Variants in ACVR1 observed in about 807,000 individuals in gnomAD.
ACVR1 encodes activin A receptor type 1.
ACVR1 carries 38 observed loss-of-function variants against 57.1 expected under a neutral mutation model. That is an observed-to-expected ratio of 0.67 (90% CI 0.51 to 0.87). The LOEUF (loss-of-function observed/expected upper bound fraction) is 0.87, where lower values mean the gene tolerates loss of function less well. Among genes scored for constraint, ACVR1 ranks in the 40% least tolerant of loss-of-function variants. ACVR1 has a pLI of 0.00. For synonymous variants in ACVR1, 212 were observed against 228.1 expected (o/e 0.93, Z 0.63); for missense variants, 463 against 638.2 (o/e 0.73, Z 2.96).
intron 1 of ACVR1, among the ~76,000 whole-genome samples, chr2:157,872,516 A>T (rs1381731815): frequency 1.3e-5 from 2 of 152,202 alleles, no homozygotes; most frequent in Admixed American, 1.3e-4. Context: ...TGCAGCCCAC[A>T]CTATTTAGTT....
intron 1 of ACVR1, among the ~76,000 whole-genome samples, chr2:157,834,328 G>A (rs1574127444): frequency 6.6e-6 from 1 of 151,964 alleles, no homozygotes; most frequent in Non-Finnish European, 1.5e-5. Context: ...CCTGACCTCA[G>A]GTGATCTGCC....
intron 1 of ACVR1, among the ~76,000 whole-genome samples, chr2:157,858,004 C>G (rs141392534): frequency 6.6e-6 from 1 of 151,876 alleles, no homozygotes; most frequent in Admixed American, 6.6e-5. Flanking sequence ...CCCTAAGGTC[C>G]CACACTATGC....
chr2:157,747,958 A>C (rs920451622), intron 9 of ACVR1, among the ~76,000 whole-genome samples: 3 of 152,244 alleles, frequency 2.0e-5, no homozygotes, highest in African/African-American at 7.2e-5. Context: ...GGAACCAGTT[A>C]ACAGTCTTGG....
intron 1 of ACVR1, among the ~76,000 whole-genome samples, chr2:157,874,614 A>G (rs1292991433): frequency 6.6e-6 from 1 of 152,128 alleles, no homozygotes; most frequent in Non-Finnish European, 1.5e-5. Context: ...TCCAGGAAGA[A>G]TTTTTTTGGG....
At chr2:157,817,599 T>G (rs968675428) in intron 2 of ACVR1, among the ~76,000 whole-genome samples, 1 of 152,074 alleles carries the variant, frequency 6.6e-6, no homozygotes, top group African/African-American at 2.4e-5. Context: ...GTGTGGGATA[T>G]TGACAGTAGG....
chr2:157,830,852 A>C (rs544027327), intron 1 of ACVR1, among the ~76,000 whole-genome samples: 1 of 152,158 alleles, frequency 6.6e-6, no homozygotes, highest in African/African-American at 2.4e-5. Context: ...CTGCTTCCAG[A>C]TGTTGTCAGT....
chr2:157,745,920 T>A (rs557967909), intron 9 of ACVR1, among the ~76,000 whole-genome samples: 1 of 152,310 alleles, frequency 6.6e-6, no homozygotes, highest in African/African-American at 2.4e-5. Flanking sequence ...TCAAAGTAAG[T>A]GCACCAAATA....
At position 157,871,688 on chromosome 2, in the gene ACVR1, G is replaced by A. The variant is rs539767358; in HGVS notation, c.-183+4108C>T. On this transcript the variant is annotated intron_variant, in intron 1 of 10. Transcript: ENST00000434821. Reference sequence around the variant, plus strand: ...AACAAAGCTCTGATGGATCACATAAGAGCCTTTATACATATAAACAATCTC... The same window carrying A: ...AACAAAGCTCTGATGGATCACATAAAAGCCTTTATACATATAAACAATCTC... Among the ~76,000 whole-genome samples, 3 of 152,278 alleles carry A rather than the reference G, an allele frequency of 2.0e-5. No individual in the cohort carries two copies. The East Asian group carries it at 5.8e-4, about 29-fold the overall frequency.
At chr2:157,855,816 G>T (rs1169091217) in intron 1 of ACVR1, among the ~76,000 whole-genome samples, 1 of 152,076 alleles carries the variant, frequency 6.6e-6, no homozygotes, top group East Asian at 1.9e-4. Flanking sequence ...CGAGTGGTGG[G>T]AAATGACTTG....
At chr2:157,829,845 A>G (rs866317381) in intron 1 of ACVR1, among the ~76,000 whole-genome samples, 50 of 152,214 alleles carry the variant, frequency 3.3e-4, no homozygotes, top group African/African-American at 1.1e-3. Context: ...AAATTTTACT[A>G]TTTCCCTGGT....
At chr2:157,793,131 A>G (rs961329872) in intron 3 of ACVR1, among the ~76,000 whole-genome samples, 1 of 152,194 alleles carries the variant, frequency 6.6e-6, no homozygotes, top group East Asian at 1.9e-4. Context: ...TTTTCCATAA[A>G]GAGGAGATGG....
At chr2:157,839,862 C>G (rs1169014329) in intron 1 of ACVR1, among the ~76,000 whole-genome samples, 2 of 152,202 alleles carry the variant, frequency 1.3e-5, no homozygotes, top group African/African-American at 4.8e-5. Flanking sequence ...ATATGTGCTT[C>G]ATGGAATCAT....
At chr2:157,863,336 C>CCTTT (rs1689795351) in intron 1 of ACVR1, among the ~76,000 whole-genome samples, 4 of 35,674 alleles carry the variant, frequency 1.1e-4, no homozygotes, top group Non-Finnish European at 4.8e-5. Flanking sequence ...AATTGTTTCT[C>CCTTT]TTTTTTTTTT....
intron 8 of ACVR1, 44 bp from the exon 9 acceptor site, chr2:157,761,121 T>C (rs772023963): frequency 6.3e-7 from 1 of 1,599,368 alleles, no homozygotes; most frequent in Admixed American, 1.7e-5. Flanking sequence ...ACTTCCTTTC[T>C]CATAAGAGGC....
At chr2:157,846,905 C>A (rs912218825) in intron 1 of ACVR1, among the ~76,000 whole-genome samples, 1 of 152,124 alleles carries the variant, frequency 6.6e-6, no homozygotes, top group Admixed American at 6.5e-5. Flanking sequence ...ATAACATGTG[C>A]TATTCTAGGA....
At chr2:157,866,859 G>C (rs1028343449) in intron 1 of ACVR1, among the ~76,000 whole-genome samples, 14 of 152,174 alleles carry the variant, frequency 9.2e-5, no homozygotes, top group Admixed American at 1.3e-4. Flanking sequence ...GTTTGTAGCT[G>C]GTTCATTTTA....
chr2:157,836,748 G>A (rs1399315950), intron 1 of ACVR1, among the ~76,000 whole-genome samples: 1 of 152,162 alleles, frequency 6.6e-6, no homozygotes, highest in African/African-American at 2.4e-5. Context: ...TCAAGGGGGT[G>A]TGCTGCAAGA....
intron 5 of ACVR1, 57 bp from the exon 6 acceptor site, chr2:157,774,244 G>C: frequency 7.2e-7 from 1 of 1,397,276 alleles, no homozygotes; most frequent in Admixed American, 1.7e-5. Flanking sequence ...TCCCACTTTG[G>C]AGTATTAGCA....
At chr2:157,829,229 C>G (rs1211638304) in intron 1 of ACVR1, among the ~76,000 whole-genome samples, 1 of 152,216 alleles carries the variant, frequency 6.6e-6, no homozygotes, top group African/African-American at 2.4e-5. Flanking sequence ...AGACTGAAAG[C>G]ATCCTGTCCA....
Sources: allele counts gnomAD v4.1 joint callset (sites outside exome capture counted in the v4.1 genomes callset), GRCh38; gene constraint gnomAD v4.1.1; transcripts MANE v1.5; gene names NCBI Gene and HGNC (gene_info 2026-07-23, HGNC 2026-07-21).